Variants in DUSP14 observed in about 807,000 individuals in gnomAD.
The protein encoded by DUSP14 is dual specificity phosphatase 14, also known as dual specificity protein phosphatase 14.
Under a neutral mutation model 13.2 loss-of-function variants are expected in DUSP14, and 5 were observed. The observed-to-expected ratio is 0.38, with a 90% confidence interval of 0.20 to 0.80. The LOEUF is 0.80. DUSP14 is among the 30% of genes least tolerant of loss of function. The pLI is 0.44. For synonymous variants in DUSP14, 91 were observed against 103.4 expected (o/e 0.88, Z 0.73); for missense variants, 185 against 264.0 (o/e 0.70, Z 2.07).
chr17:37,493,336 C>T (rs1294561698), intron 1 of DUSP14, among the ~76,000 whole-genome samples: 1 of 152,168 alleles, frequency 6.6e-6, no homozygotes, highest in African/African-American at 2.4e-5. Flanking sequence ...TGGGTTGTTT[C>T]TGGTCTGGGG....
At chr17:37,490,006 G>C (rs1296136474) in intron 1 of DUSP14, 48 bp downstream of exon 1, 1 of 147,252 alleles carries the variant, frequency 6.8e-6, no homozygotes, top group East Asian at 2.0e-4. Context: ...GAAGGTGTTG[G>C]GGTGGGGCGG....
At chr17:37,506,794 G>T (rs1488910073) in intron 1 of DUSP14, among the ~76,000 whole-genome samples, 1 of 152,210 alleles carries the variant, frequency 6.6e-6, no homozygotes, top group Non-Finnish European at 1.5e-5. Context: ...CAGCCAGGGG[G>T]ATGTTTTGTG....
chr17:37,509,826 A>G (rs929171500), intron 1 of DUSP14: 4 of 152,006 alleles, frequency 2.6e-5, no homozygotes, highest in Non-Finnish European at 4.4e-5. Context: ...TCCATTGTGT[A>G]CATATGTCAG....
At chr17:37,509,128 T>TATATATATATAC (rs1483030488) in intron 1 of DUSP14, among the ~76,000 whole-genome samples, 2 of 31,194 alleles carry the variant, frequency 6.4e-5, no homozygotes, top group Admixed American at 5.6e-4. Flanking sequence ...TATATATATA[T>TATATATATATAC]ACACACACAC....
chr17:37,513,127 A>C lies in DUSP14; in HGVS notation c.*258A>C, dbSNP rs545370615. 4.3e-5 allele frequency: 22 copies of C among 515,938 alleles called. No individual in the cohort carries two copies. Among genetic ancestry groups the C allele is most frequent in the African/African-American group, 4.0e-4 (21 of 52,128 alleles). 32.0% of individuals were successfully genotyped at this position (515,938 alleles called of 1,614,324 possible). On this transcript the variant is annotated 3_prime_UTR_variant, in exon 3 of 3. Coordinates refer to ENST00000617516, the MANE Select transcript of DUSP14 (RefSeq NM_007026.4). The stretch of plus-strand genomic sequence containing the variant: ...CTTTAGCTTTTAATCATTTTTACCA[A>C]TTTGAACAGTTTAATAAACTGGTTC...
intron 1 of DUSP14, among the ~76,000 whole-genome samples, chr17:37,509,669 A>G (rs2054170135): frequency 6.6e-6 from 1 of 152,094 alleles, no homozygotes; most frequent in Non-Finnish European, 1.5e-5. Context: ...TTGATAGAAA[A>G]GTCTAGAGTG....
intron 1 of DUSP14, among the ~76,000 whole-genome samples, chr17:37,506,742 G>A (rs771024774): frequency 6.6e-6 from 1 of 152,132 alleles, no homozygotes. Flanking sequence ...GCTTCTTGTA[G>A]TGCCTACTCT....
chr17:37,505,855 T>A (rs1037053042), intron 1 of DUSP14, among the ~76,000 whole-genome samples: 2 of 152,106 alleles, frequency 1.3e-5, no homozygotes, highest in Non-Finnish European at 2.9e-5. Flanking sequence ...TATTAGTGTA[T>A]GCATTACTGA....
At chr17:37,507,223 C>G (rs1166264808) in intron 1 of DUSP14, among the ~76,000 whole-genome samples, 1 of 152,200 alleles carries the variant, frequency 6.6e-6, no homozygotes, top group African/African-American at 2.4e-5. Context: ...TTTCCTGAAA[C>G]TTTGGACCAG....
At chr17:37,511,589 T>TTTTTTTTA (rs2054186261) in intron 2 of DUSP14, among the ~76,000 whole-genome samples, 2 of 122,180 alleles carry the variant, frequency 1.6e-5, no homozygotes, top group Non-Finnish European at 3.4e-5. Flanking sequence ...CCTTTCCTTT[T>TTTTTTTTA]TTTTTTTTTT....
intron 1 of DUSP14, among the ~76,000 whole-genome samples, chr17:37,505,262 C>T (rs1470720120): frequency 1.3e-5 from 2 of 152,166 alleles, no homozygotes; most frequent in Admixed American, 6.5e-5. Flanking sequence ...CCTGGTGGCT[C>T]ACCCCTGTAA....
At chr17:37,498,780 A>C (rs1156469259) in intron 1 of DUSP14, among the ~76,000 whole-genome samples, 1 of 151,664 alleles carries the variant, frequency 6.6e-6, no homozygotes, top group African/African-American at 2.4e-5. Flanking sequence ...ATTACTCTTA[A>C]TAATATTTTT....
At position 37,511,938 on chromosome 17, in the gene DUSP14, C is replaced by CT. The variant is rs58893696; in HGVS notation, c.-92-225dup. On this transcript the variant is annotated intron_variant, in intron 2 of 2. Coordinates refer to ENST00000617516, the MANE Select transcript of DUSP14 (RefSeq NM_007026.4). The stretch of plus-strand genomic sequence containing the variant: ...GCCCAGCCACCCCCCCCCCACCCCA[C>CT]TTTTTTTTTTTTTTTTTTGGACAAT... 1.8e-3 allele frequency among the ~76,000 whole-genome samples: 70 copies of CT among 38,246 alleles called. 2 individuals are homozygous for CT. The highest frequency in any genetic ancestry group is 2.7e-3 in the Non-Finnish European group (59 of 21,848). 25.1% of individuals were successfully genotyped at this position (38,246 alleles called of 152,430 possible). A position where few individuals can be genotyped will look rare whatever the true frequency, so the allele number is the denominator to read the frequency against.
intron 1 of DUSP14, among the ~76,000 whole-genome samples, chr17:37,504,306 G>A (rs892564471): frequency 6.6e-6 from 1 of 152,176 alleles, no homozygotes; most frequent in Non-Finnish European, 1.5e-5. Context: ...CACCTACATA[G>A]GCAGCTGCTC....
At chr17:37,508,318 C>G (rs1231997004) in intron 1 of DUSP14, among the ~76,000 whole-genome samples, 2 of 152,234 alleles carry the variant, frequency 1.3e-5, no homozygotes, top group Non-Finnish European at 2.9e-5. Flanking sequence ...ACTCTTCCAG[C>G]CCCACTCTGG....
At chr17:37,511,075 T>G (rs1184378175) in intron 2 of DUSP14, among the ~76,000 whole-genome samples, 1 of 152,066 alleles carries the variant, frequency 6.6e-6, no homozygotes, top group Non-Finnish European at 1.5e-5. Context: ...ATAGTGACGT[T>G]CAGACGTTAA....
At chr17:37,490,376 C>T (rs952319264) in intron 1 of DUSP14, among the ~76,000 whole-genome samples, 2 of 152,186 alleles carry the variant, frequency 1.3e-5, no homozygotes, top group African/African-American at 4.8e-5. Context: ...TGCATCTCCC[C>T]GAGGTTTCTG....
chr17:37,495,449 A>G (rs853217), intron 1 of DUSP14, among the ~76,000 whole-genome samples: 68,428 of 151,998 alleles, frequency 0.45, 16,306 homozygotes, highest in East Asian at 0.8. Flanking sequence ...AGCATCAATG[A>G]CCTAGGGCAA....
chr17:37,511,937 A>ATTTTTTTTTTTTTTTTTT (rs1329764853), intron 2 of DUSP14, among the ~76,000 whole-genome samples: 7 of 16,438 alleles, frequency 4.3e-4, no homozygotes, highest in Admixed American at 2.5e-3. Context: ...CCCCCACCCC[A>ATTTTTTTTTTTTTTTTTT]CTTTTTTTTT....
Sources: allele counts gnomAD v4.1 joint callset (sites outside exome capture counted in the v4.1 genomes callset), GRCh38; gene constraint gnomAD v4.1.1; transcripts MANE v1.5; gene names NCBI Gene and HGNC (gene_info 2026-07-23, HGNC 2026-07-21).